ATRX: variants seen among roughly 807,000 people sequenced by gnomAD.
ATRX encodes chromatin remodeler ATRX.
ATRX carries 12 observed loss-of-function variants against 172.6 expected under a neutral mutation model. The observed-to-expected ratio is 0.07, with a 90% CI of 0.04 to 0.11. The LOEUF is 0.11. Ranked by LOEUF, ATRX falls within the 10% of genes least tolerant of loss-of-function variation. The pLI is 1.00. For missense variants in ATRX, 1,368 were observed against 1,767.4 expected (o/e 0.77, Z 4.05); for synonymous variants, 674 against 594.7 (o/e 1.13, Z -1.94).
At position 77,676,306 on chromosome X, in the gene ATRX, G is replaced by GA. The variant is rs1179885440; in HGVS notation, c.3737-9dup. 2 of 1,191,658 alleles carry GA rather than the reference G, an allele frequency of 1.7e-6. No homozygotes were observed. The highest frequency in any genetic ancestry group is 2.3e-6 in the Non-Finnish European group (2 of 880,831). On this transcript the variant is annotated splice_polypyrimidine_tract_variant and intron_variant, in intron 9 of 34. Coordinates refer to ENST00000373344, the MANE Select transcript of ATRX (RefSeq NM_000489.6). ...TAGATAAGGCTTCATCTCCTTGAGG[G>GA]AAAAAAGTGTACTTAAAATTAGCTT...
chrX:77,647,140 C>A (rs1245900337), intron 15 of ATRX, among the ~76,000 whole-genome samples: 2 of 110,950 alleles, frequency 1.8e-5, no homozygotes, highest in Non-Finnish European at 3.8e-5. Context: ...GGAAAGAACA[C>A]AAATATGTGG....
chrX:77,780,454 T>C (rs1306126218), intron 1 of ATRX, among the ~76,000 whole-genome samples: 2 of 109,546 alleles, frequency 1.8e-5, no homozygotes, highest in Non-Finnish European at 3.8e-5. Flanking sequence ...GCCTCCCTAG[T>C]AGCTGAGATT....
chrX:77,544,583 A>C, intron 30 of ATRX, among the ~76,000 whole-genome samples: 1 of 73,899 alleles, frequency 1.4e-5, no homozygotes, highest in African/African-American at 5.1e-5. Context: ...CCACCCCACA[A>C]CAGTCCCCAG....
intron 1 of ATRX, among the ~76,000 whole-genome samples, chrX:77,776,532 T>A (rs2076356825): frequency 8.9e-6 from 1 of 112,063 alleles, no homozygotes; most frequent in South Asian, 3.6e-4. Context: ...AAAAATGAGG[T>A]TAGAAGCACA....
intron 9 of ATRX, among the ~76,000 whole-genome samples, chrX:77,677,258 C>T (rs1018851928): frequency 4.2e-4 from 47 of 111,345 alleles, no homozygotes; most frequent in African/African-American, 1.5e-3. Context: ...TGATGTCTAC[C>T]GTTTAATCTG....
At position 77,719,934 on chromosome X, in the gene ATRX, T is replaced by C. The variant is rs2073659109; in HGVS notation, c.21-2691A>G. On this transcript the variant is annotated intron_variant, in intron 1 of 34. Coordinates refer to ENST00000373344, the MANE Select transcript of ATRX (RefSeq NM_000489.6). Reference sequence around the variant, plus strand: ...CTAAAACTGACCATATAATTAGAAGTAAAACACTCCTAAGCAAATGAAAAA... The same window carrying C: ...CTAAAACTGACCATATAATTAGAAGCAAAACACTCCTAAGCAAATGAAAAA... Among the ~76,000 whole-genome samples the C allele has an allele frequency of 3.6e-5, 4 of 111,715 alleles. No individual in the cohort carries two copies. The South Asian group carries it at 1.5e-3, about 41-fold the overall frequency.
intron 30 of ATRX, among the ~76,000 whole-genome samples, chrX:77,553,950 T>C (rs1250117041): frequency 8.9e-6 from 1 of 111,799 alleles, no homozygotes; most frequent in Non-Finnish European, 1.9e-5. Flanking sequence ...ACAATTGGCA[T>C]ATCATAGGCA....
intron 10 of ATRX, among the ~76,000 whole-genome samples, chrX:77,670,503 C>G (rs1168225056): frequency 8.9e-6 from 1 of 111,801 alleles, no homozygotes; most frequent in Admixed American, 9.5e-5. Flanking sequence ...GCCTGTAATC[C>G]CAGCAATTTG....
At chrX:77,687,088 C>T (rs988955692) in intron 7 of ATRX, among the ~76,000 whole-genome samples, 4 of 92,673 alleles carry the variant, frequency 4.3e-5, no homozygotes, top group Non-Finnish European at 6.1e-5. Flanking sequence ...AGGAGGTGGA[C>T]GTTGTCGTGA....
intron 1 of ATRX, among the ~76,000 whole-genome samples, chrX:77,718,390 A>T (rs34355230): frequency 0.065 from 6,176 of 94,811 alleles, 209 homozygotes; most frequent in African/African-American, 0.13. Context: ...TTTTTTTTTT[A>T]AAAGACGGAG....
chrX:77,652,487 AGAG>A, intron 14 of ATRX, 134 bp from the exon 15 acceptor site: 8 of 510,235 alleles, frequency 1.6e-5, no homozygotes, highest in Non-Finnish European at 1.7e-5. Flanking sequence ...ATTCAGCAAT[AGAG>A]TAGTATTAAA....
chrX:77,778,720 CAAAA>C (rs782545336), intron 1 of ATRX, among the ~76,000 whole-genome samples: 1 of 49,510 alleles, frequency 2.0e-5, no homozygotes. Context: ...GACTACGTCT[CAAAA>C]AAAAAAAAAA....
rs1220457800 is a variant in ATRX, at chrX:77,747,102, A to T, written c.21-29859T>A. Among the ~76,000 whole-genome samples the T allele has an allele frequency of 2.7e-5, 3 of 111,589 alleles. No individual in the cohort carries two copies. In the East Asian group the frequency reaches 8.5e-4, roughly 32 times the overall value. ...GCGTGAGCCACCGCGCCCGGCCTGA[A>T]AAAATCCTTTTACAGCATCTGTGTA... is the stretch of plus-strand genomic sequence containing the variant. On this transcript the variant is annotated intron_variant, in intron 1 of 34. Coordinates refer to ENST00000373344, the MANE Select transcript of ATRX (RefSeq NM_000489.6).
At chrX:77,781,120 C>T in intron 1 of ATRX, among the ~76,000 whole-genome samples, 1 of 110,937 alleles carries the variant, frequency 9.0e-6, no homozygotes, top group Middle Eastern at 4.6e-3. Flanking sequence ...GTTCTCAAAC[C>T]ATTTAGTCGC....
At chrX:77,671,170 ATATATAT>A (rs2070580500) in intron 10 of ATRX, among the ~76,000 whole-genome samples, 6 of 50,485 alleles carry the variant, frequency 1.2e-4, no homozygotes, top group South Asian at 2.1e-3. Context: ...AAAAAAAAAT[ATATATAT>A]ATATATATAT....
intron 1 of ATRX, among the ~76,000 whole-genome samples, chrX:77,737,380 A>ATG (rs2074625738): frequency 1.2e-5 from 1 of 83,027 alleles, no homozygotes; most frequent in East Asian, 4.4e-4. Flanking sequence ...CCAAGATCGC[A>ATG]CCATTGCACT....
Position 77,682,560 on chromosome X carries a change from G to C in ATRX, c.2696C>G (p.Thr899Arg), listed in dbSNP as rs782757975. The C allele has an allele frequency of 8.3e-7, 1 of 1,209,219 alleles. No individual in the cohort carries two copies. The highest frequency in any genetic ancestry group is 1.8e-5 in the African/African-American group (1 of 57,132). Residue 899 changes from threonine (T) to arginine (R), a missense_variant, in exon 9 of 35, where the codon ACG becomes AGG. This residue lies in a region of ATRX where 843 missense variants were observed against 643.1 expected (regional missense o/e 1.31). Coordinates refer to ENST00000373344, the MANE Select transcript of ATRX (RefSeq NM_000489.6). ...SSAEGTVDKD[T>R]TIMELRDRLP... ...TCGATCTCTTAATTCCATGATGGTC[G>C]TGTCTTTATCAACTGTGCCTTCTGC...
At chrX:77,717,610 A>G (rs938283925) in intron 1 of ATRX, among the ~76,000 whole-genome samples, 2 of 109,778 alleles carry the variant, frequency 1.8e-5, no homozygotes, top group Non-Finnish European at 3.8e-5. Context: ...TCAAAAAAAA[A>G]AAAAAAAAAG....
chrX:77,577,162 T>C (rs1393398375), intron 27 of ATRX, among the ~76,000 whole-genome samples: 1 of 111,414 alleles, frequency 9.0e-6, no homozygotes, highest in African/African-American at 3.3e-5. Flanking sequence ...GATCTCATGG[T>C]AATACTATTT....
Sources: gnomAD v4.1 joint callset for allele counts (sites outside exome capture counted in the v4.1 genomes callset) on GRCh38, gnomAD v4.1.1 for gene constraint, gnomAD v4.1.1 regional missense constraint, MANE v1.5 for transcripts, NCBI Gene and HGNC (gene_info 2026-07-23, HGNC 2026-07-21) for gene names.